The following FAT1 variants were observed in gnomAD, a reference collection of about 807,000 sequenced individuals.
The protein encoded by FAT1 is protocadherin Fat 1.
Under a neutral mutation model 329.8 loss-of-function variants are expected in FAT1, and 171 were observed. That is an observed-to-expected ratio of 0.52 (90% confidence interval 0.46 to 0.59). The LOEUF (loss-of-function observed/expected upper bound fraction) is 0.59. Ranked by LOEUF, FAT1 falls within the 20% of genes least tolerant of loss-of-function variation. The pLI, the probability that FAT1 is intolerant of heterozygous loss-of-function variation, is 0.00. For missense variants in FAT1, 5,672 were observed against 5,774.4 expected, an observed-to-expected ratio of 0.98 and a Z score of 0.57; for synonymous variants, 2,233 against 2,228.6, an observed-to-expected ratio of 1.00 and a Z score of -0.06.
At chr4:186,700,779 T>A (rs892417079) in intron 2 of FAT1, among the ~76,000 whole-genome samples, 1 of 152,060 alleles carries the variant, frequency 6.6e-6, no homozygotes, top group Non-Finnish European at 1.5e-5. Flanking sequence ...GTCCACCCGG[T>A]GGTTGTGAGA....
rs2126684103 is a variant in FAT1 at position 186,706,929 on chromosome 4, G to C, written c.2899C>G (p.Leu967Val). ...TCGAAGTTTCCTTCTCCGTGGTCCA[G>C]AAGGCTGTATCTCACCTGACCAGAC... ...GQSGQVRYSLLDHGEGNFDVD... is the reference protein window; with the variant it reads ...GQSGQVRYSLVDHGEGNFDVD... The change falls in exon 2 of 27, where the codon CTG (leucine) becomes GTG (valine). Residue 967 changes from leucine (L) to valine (V), a missense_variant. By Grantham distance (32) the Leu-to-Val change is conservative. Around this residue, in one of 2 missense-constraint regions of FAT1, gnomAD observed 3,966 missense variants for 3,915.2 expected, o/e 1.01. Coordinates refer to ENST00000441802, the MANE Select transcript of FAT1 (RefSeq NM_005245.4). 1 of 1,614,022 alleles carries C rather than the reference G, an allele frequency of 6.2e-7. No homozygotes were observed. The highest frequency in any genetic ancestry group is 1.1e-5 in the South Asian group (1 of 91,080).
intron 3 of FAT1, among the ~76,000 whole-genome samples, chr4:186,649,915 TG>T (rs1205173649): frequency 6.6e-6 from 1 of 152,210 alleles, no homozygotes; most frequent in African/African-American, 2.4e-5. Context: ...GGATAGCAAA[TG>T]AAAGTACTGA....
At chr4:186,671,018 A>G (rs993209692) in intron 2 of FAT1, among the ~76,000 whole-genome samples, 1 of 152,174 alleles carries the variant, frequency 6.6e-6, no homozygotes, top group Non-Finnish European at 1.5e-5. Flanking sequence ...GCAGGGAGTT[A>G]TGTGAGCATT....
chr4:186,709,642 G>A lies in FAT1; in HGVS notation c.186C>T (p.Tyr62=), dbSNP rs2087602572. ...YVGHPVKMGV[Y]ITHPAWEVRY... is the part of the protein sequence containing the mutation. ...TTACTTCCCACGCTGGATGTGTAAT[G>A]TAAACACCCATCTTGACAGGATGCC... The change falls in exon 2 of 27, where the codon TAC becomes TAT. Residue 62 remains tyrosine (Y), a synonymous_variant. Coordinates refer to ENST00000441802, the MANE Select transcript of FAT1 (RefSeq NM_005245.4). The A allele has an allele frequency of 6.2e-7, 1 of 1,613,972 alleles. No individual in the cohort carries two copies. Among genetic ancestry groups the A allele is most frequent in the Non-Finnish European group, 8.5e-7 (1 of 1,179,878 alleles).
chr4:186,714,703 T>A (rs1029735775), intron 1 of FAT1, among the ~76,000 whole-genome samples: 3 of 151,968 alleles, frequency 2.0e-5, no homozygotes, highest in Non-Finnish European at 4.4e-5. Flanking sequence ...AGCATAGTGG[T>A]GTGATAAGAA....
At position 186,708,450 on chromosome 4, in the gene FAT1, G is replaced by C. The variant is rs942332793; in HGVS notation, c.1378C>G (p.Pro460Ala). The change falls in exon 2 of 27, where the codon CCC (proline) becomes GCC (alanine). Residue 460 changes from proline to alanine, a missense_variant. Pro to Ala is a conservative substitution (Grantham distance 27). This residue lies in a region of FAT1 where 3,966 missense variants were observed against 3,915.2 expected (regional missense o/e 1.01). Coordinates refer to ENST00000441802, the MANE Select transcript of FAT1 (RefSeq NM_005245.4). ...LVKVLGANSNPPEFTQTAYKA... is the reference protein window; with the variant it reads ...LVKVLGANSNAPEFTQTAYKA... ...TACGCTGTCTGGGTAAATTCAGGGG[G>C]ATTGCTATTTGCACCTAAGACTTTC... The C allele has an allele frequency of 6.2e-7, 1 of 1,613,954 alleles. No homozygotes were observed. Among genetic ancestry groups the C allele is most frequent in the Non-Finnish European group, 8.5e-7 (1 of 1,179,884 alleles).
chr4:186,658,694 C>T (rs765403170), intron 3 of FAT1, among the ~76,000 whole-genome samples: 7 of 152,130 alleles, frequency 4.6e-5, no homozygotes, highest in Non-Finnish European at 8.8e-5. Context: ...TTCAAATTGT[C>T]GCCGACATGA....
At chr4:186,712,516 A>AG (rs1387329605) in intron 1 of FAT1, among the ~76,000 whole-genome samples, 1 of 152,248 alleles carries the variant, frequency 6.6e-6, no homozygotes, top group Non-Finnish European at 1.5e-5. Flanking sequence ...ATTACCAACA[A>AG]GTCCTGATGG....
chr4:186,628,881 G>A (rs913722010), intron 7 of FAT1, 118 bp from the exon 8 acceptor site: 41 of 997,716 alleles, frequency 4.1e-5, no homozygotes, highest in Admixed American at 5.7e-5. Flanking sequence ...AATAAAATAC[G>A]AGAAAGGCAA....
At chr4:186,626,833 G>A (rs111603813) in intron 9 of FAT1, among the ~76,000 whole-genome samples, 2 of 38,318 alleles carry the variant, frequency 5.2e-5, no homozygotes, top group East Asian at 1.1e-3. Context: ...ATGGCACCTG[G>A]CACATAAAGT....
chr4:186,626,778 C>T (rs112202353), intron 9 of FAT1, among the ~76,000 whole-genome samples: 2 of 115,180 alleles, frequency 1.7e-5, no homozygotes, highest in African/African-American at 3.4e-5. Context: ...GTGAGCTTCA[C>T]CAGCCCACAG....
Position 186,621,583 on chromosome 4 carries a change from G to A in FAT1, c.5003C>T (p.Thr1668Ile), listed in dbSNP as rs768927303. 3 of 1,613,970 alleles carry A rather than the reference G, an allele frequency of 1.9e-6. No homozygotes were observed. The highest frequency in any genetic ancestry group is 2.5e-6 in the Non-Finnish European group (3 of 1,179,884). The change falls in exon 10 of 27, where the codon ACA becomes ATA. Residue 1668 changes from threonine (T) to isoleucine (I), a missense_variant. By Grantham distance (89) the Thr-to-Ile change is moderately conservative. This residue lies in a region of FAT1 where 3,966 missense variants were observed against 3,915.2 expected (regional missense o/e 1.01). Coordinates refer to ENST00000441802, the MANE Select transcript of FAT1 (RefSeq NM_005245.4). ...AAGTTCAACAGAATATTCTTTTGAT[G>A]TAAACTTCGGAGAGGCGTTGTCAGC... The part of the protein sequence containing the change: ...TIADNASPKF[T>I]SKEYSVELSE...
chr4:186,649,389 C>G (rs1033316636), intron 3 of FAT1, among the ~76,000 whole-genome samples: 1 of 152,102 alleles, frequency 6.6e-6, no homozygotes, highest in African/African-American at 2.4e-5. Context: ...GTGGCTCCTG[C>G]CCAAAAGATA....
intron 2 of FAT1, among the ~76,000 whole-genome samples, chr4:186,705,718 A>C (rs1744554293): frequency 6.6e-6 from 1 of 152,240 alleles, no homozygotes; most frequent in African/African-American, 2.4e-5. Flanking sequence ...CTGCGCAGCA[A>C]GACTGAGGTA....
chr4:186,676,815 G>A (rs1288969076), intron 2 of FAT1, among the ~76,000 whole-genome samples: 1 of 152,152 alleles, frequency 6.6e-6, no homozygotes, highest in African/African-American at 2.4e-5. Context: ...CTGTTTCTAA[G>A]GTTTGTTTAG....
In FAT1 at chr4:186,688,676, C is replaced by A. The variant is rs548287878; in HGVS notation, c.3265+17887G>T. On this transcript the variant is annotated intron_variant, in intron 2 of 26. Coordinates refer to ENST00000441802, the MANE Select transcript of FAT1 (RefSeq NM_005245.4). ...CCGCCCCCCCCCAAAAAAACACACACCCTTCAGCTGCTACAGTAGACTTTC... is the reference window on the plus strand; with the variant it reads ...CCGCCCCCCCCCAAAAAAACACACAACCTTCAGCTGCTACAGTAGACTTTC... Among the ~76,000 whole-genome samples the A allele has an allele frequency of 2.2e-3, 302 of 136,504 alleles. 1 individual carries two copies. Among genetic ancestry groups the A allele is most frequent in the African/African-American group, 8.0e-3 (290 of 36,258 alleles). 89.6% of individuals were successfully genotyped at this position (136,504 alleles called of 152,430 possible).
rs2126696204 is a variant in FAT1, at chr4:186,708,400, C to T, written c.1428G>A (p.Val476=). 6.2e-7 allele frequency: 1 copy of T among 1,613,934 alleles called. No individual in the cohort carries two copies. Among genetic ancestry groups the T allele is most frequent in the East Asian group, 2.2e-5 (1 of 44,868 alleles). The change falls in exon 2 of 27, where the codon GTG becomes GTA. Residue 476 remains valine (V), a synonymous_variant. Transcript: ENST00000441802. The part of the protein sequence containing the change: ...TAYKAAFDEN[V]PIGTTVMSLS... Reference sequence around the variant, plus strand: ...GGCTCATGACAGTAGTACCAATGGGCACGTTCTCATCAAAAGCAGCTTTGT... The same window carrying T: ...GGCTCATGACAGTAGTACCAATGGGTACGTTCTCATCAAAAGCAGCTTTGT...
chr4:186,588,496 A>C lies in FAT1; in HGVS notation c.*96T>G. ...CGCAGCCATGCCCATTCGGCTCACC[A>C]AAAAAAGCTTGGAAGCACTGCTGCA... On this transcript the variant is annotated 3_prime_UTR_variant, in exon 27 of 27. Transcript: ENST00000441802. 2 of 1,442,918 alleles carry C rather than the reference A, an allele frequency of 1.4e-6. No homozygotes were observed. The highest frequency in any genetic ancestry group is 1.8e-6 in the Non-Finnish European group (2 of 1,087,228). 89.4% of individuals were successfully genotyped at this position (1,442,918 alleles called of 1,614,324 possible).
At position 186,617,918 on chromosome 4, in the gene FAT1, A is replaced by G. The variant is rs2126489275; in HGVS notation, c.8668T>C (p.Ser2890Pro). The G allele has an allele frequency of 6.2e-7, 1 of 1,613,994 alleles. No individual in the cohort carries two copies. The highest frequency in any genetic ancestry group is 8.5e-7 in the Non-Finnish European group (1 of 1,179,900). The part of the protein sequence containing the change: ...RDNYQIKVVA[S>P]DHGEKIQLSS... ...AGCTGGATCTTTTCACCATGATCTG[A>G]TGCAACCACTTTAATCTGGTAATTG... The change falls in exon 10 of 27, where the codon TCA (serine) becomes CCA (proline). Residue 2890 changes from serine (S) to proline (P), a missense_variant. Around this residue, in one of 2 missense-constraint regions of FAT1, gnomAD observed 3,966 missense variants for 3,915.2 expected, o/e 1.01. Coordinates refer to ENST00000441802, the MANE Select transcript of FAT1 (RefSeq NM_005245.4).
Sources: gnomAD v4.1 joint callset for allele counts (sites outside exome capture counted in the v4.1 genomes callset) on GRCh38, gnomAD v4.1.1 for gene constraint, gnomAD v4.1.1 regional missense constraint, MANE v1.5 for transcripts, NCBI Gene and HGNC (gene_info 2026-07-23, HGNC 2026-07-21) for gene names.